MALRD1: variants seen among roughly 807,000 people sequenced by gnomAD.
MALRD1 encodes the protein MAM and LDL receptor class A domain containing 1.
Under a neutral mutation model 242.1 loss-of-function variants are expected in MALRD1, and 247 were observed. The observed-to-expected ratio is 1.02, with a 90% CI of 0.92 to 1.13. The LOEUF is 1.13. MALRD1 is among the 50% of genes most tolerant of loss of function. The pLI is 0.00. For missense variants in MALRD1, 2,989 were observed against 2,533.1 expected (o/e 1.18, Z -3.86); for synonymous variants, 995 against 866.6 (o/e 1.15, Z -2.60).
intron 2 of MALRD1, among the ~76,000 whole-genome samples, chr10:19,078,122 AT>A (rs201711940): frequency 3.3e-5 from 5 of 151,222 alleles, no homozygotes; most frequent in African/African-American, 1.2e-4. Flanking sequence ...AATTTTTTTT[AT>A]TTTTTTTGAA....
intron 26 of MALRD1, among the ~76,000 whole-genome samples, chr10:19,373,467 C>T (rs1845475923): frequency 1.3e-5 from 2 of 151,136 alleles, no homozygotes; most frequent in African/African-American, 2.4e-5. Context: ...TGCAGTGAGC[C>T]GAGATCATGC....
chr10:19,579,043 G>A (rs941721617), intron 33 of MALRD1, among the ~76,000 whole-genome samples: 13 of 152,182 alleles, frequency 8.5e-5, no homozygotes, highest in Admixed American at 2.6e-4. Context: ...TGATACAGTC[G>A]TATACAATAC....
At chr10:19,195,894 T>C (rs1422430503) in intron 14 of MALRD1, among the ~76,000 whole-genome samples, 1 of 152,146 alleles carries the variant, frequency 6.6e-6, no homozygotes. Flanking sequence ...CCCTCCTCAA[T>C]GAATAACACA....
chr10:19,154,598 A>T (rs1397767814), intron 11 of MALRD1, among the ~76,000 whole-genome samples: 2 of 152,354 alleles, frequency 1.3e-5, no homozygotes, highest in South Asian at 2.1e-4. Flanking sequence ...TGTTCAGATT[A>T]GATCTTTAAT....
chr10:19,540,375 A>T (rs1339074574), intron 32 of MALRD1, among the ~76,000 whole-genome samples: 1 of 152,120 alleles, frequency 6.6e-6, no homozygotes, highest in African/African-American at 2.4e-5. Context: ...TGGCACCCAC[A>T]GTGGGAGGTA....
intron 12 of MALRD1, among the ~76,000 whole-genome samples, chr10:19,159,521 A>C (rs1266984567): frequency 6.6e-6 from 1 of 152,092 alleles, no homozygotes; most frequent in African/African-American, 2.4e-5. Context: ...AATGGCCATG[A>C]AGATTTGACC....
intron 16 of MALRD1, among the ~76,000 whole-genome samples, chr10:19,204,630 C>G (rs534778557): frequency 1.3e-5 from 2 of 152,194 alleles, no homozygotes; most frequent in Admixed American, 1.3e-4. Context: ...CTCTTTCCCC[C>G]CAACCATGGA....
chr10:19,346,030 C>T (rs1444913911), intron 24 of MALRD1, among the ~76,000 whole-genome samples: 1 of 151,936 alleles, frequency 6.6e-6, no homozygotes. Context: ...TGTGATCCTC[C>T]CACCTTAGCC....
chr10:19,403,184 G>A (rs182766630), intron 28 of MALRD1, among the ~76,000 whole-genome samples: 3 of 152,180 alleles, frequency 2.0e-5, no homozygotes, highest in Admixed American at 1.3e-4. Context: ...GTCTAGTTTT[G>A]TAGTCCTGAT....
At chr10:19,655,826 A>C (rs1841130384) in intron 36 of MALRD1, among the ~76,000 whole-genome samples, 1 of 151,870 alleles carries the variant, frequency 6.6e-6, no homozygotes. Context: ...CAGGCAGTAG[A>C]GTGTATGGAA....
At chr10:19,125,409 G>GCTCC (rs1837250355) in intron 7 of MALRD1, among the ~76,000 whole-genome samples, 1 of 111,998 alleles carries the variant, frequency 8.9e-6, no homozygotes, top group African/African-American at 3.6e-5. Flanking sequence ...TTCCATCCAT[G>GCTCC]CTTCCTTCCT....
intron 18 of MALRD1, among the ~76,000 whole-genome samples, chr10:19,240,757 C>A (rs192431182): frequency 1.7e-4 from 26 of 152,102 alleles, no homozygotes; most frequent in Middle Eastern, 3.4e-3. Context: ...ACTTTCTTGA[C>A]AGTTTTTATC....
chr10:19,657,622 C>T (rs1450728264), intron 36 of MALRD1, among the ~76,000 whole-genome samples: 1 of 151,842 alleles, frequency 6.6e-6, no homozygotes, highest in Non-Finnish European at 1.5e-5. Context: ...TTTGGTAAAG[C>T]ATTTATGAAT....
intron 36 of MALRD1, among the ~76,000 whole-genome samples, chr10:19,691,699 A>G (rs1842827270): frequency 6.6e-6 from 1 of 152,138 alleles, no homozygotes; most frequent in Non-Finnish European, 1.5e-5. Flanking sequence ...TAAAAGTTTC[A>G]TCATGTACAT....
intron 35 of MALRD1, among the ~76,000 whole-genome samples, chr10:19,608,322 A>G (rs1838733854): frequency 6.6e-6 from 1 of 152,084 alleles, no homozygotes; most frequent in Non-Finnish European, 1.5e-5. Flanking sequence ...TAATCTAGTT[A>G]CATATTTAAT....
At chr10:19,722,980 C>T (rs1172746860) in intron 38 of MALRD1, among the ~76,000 whole-genome samples, 1 of 152,074 alleles carries the variant, frequency 6.6e-6, no homozygotes, top group Non-Finnish European at 1.5e-5. Context: ...GTGTCCTAGA[C>T]ATGTTGGGTG....
At chr10:19,696,516 T>C (rs1833384934) in intron 38 of MALRD1, among the ~76,000 whole-genome samples, 1 of 152,160 alleles carries the variant, frequency 6.6e-6, no homozygotes, top group Non-Finnish European at 1.5e-5. Context: ...TGCAGTCATG[T>C]GAATAAGCAG....
chr10:19,219,220 A>G (rs1322008970), intron 18 of MALRD1, among the ~76,000 whole-genome samples: 2 of 152,132 alleles, frequency 1.3e-5, no homozygotes, highest in Non-Finnish European at 2.9e-5. Context: ...TAGACATTGT[A>G]ATTTTGGAGG....
intron 39 of MALRD1, among the ~76,000 whole-genome samples, chr10:19,732,575 A>G (rs1269895694): frequency 1.3e-5 from 2 of 152,134 alleles, no homozygotes; most frequent in Non-Finnish European, 2.9e-5. Context: ...AACATTTAAT[A>G]TTTTTTATCC....
Sources: gnomAD v4.1 joint callset for allele counts (sites outside exome capture counted in the v4.1 genomes callset) on GRCh38, gnomAD v4.1.1 for gene constraint, MANE v1.5 for transcripts, NCBI Gene and HGNC (gene_info 2026-07-23, HGNC 2026-07-21) for gene names.